UTRN: variants seen among roughly 807,000 people sequenced by gnomAD.
UTRN encodes the protein dystrophin-related protein 1.
UTRN carries 283 observed loss-of-function variants against 463.9 expected under a neutral mutation model. That is an observed-to-expected ratio of 0.61 (90% confidence interval 0.55 to 0.67). The LOEUF (loss-of-function observed/expected upper bound fraction) is 0.67, where lower values mean the gene tolerates loss of function less well. UTRN is among the 30% of genes least tolerant of loss of function. The pLI, the probability that UTRN is intolerant of heterozygous loss-of-function variation, is 0.00. For synonymous variants in UTRN, 1,442 were observed against 1,431.5 expected (o/e 1.01, Z -0.17); for missense variants, 3,922 against 4,084.3 (o/e 0.96, Z 1.08).
chr6:144,748,371 G>A lies in UTRN; in HGVS notation c.8065G>A (p.Ala2689Thr). The A allele has an allele frequency of 6.2e-7, 1 of 1,613,884 alleles. No homozygotes were observed. The change falls in exon 55 of 75, where the codon GCA (alanine) becomes ACA (threonine). Residue 2689 changes from alanine (A) to threonine (T), a missense_variant. By Grantham distance (58) the Ala-to-Thr change is moderately conservative. Coordinates refer to ENST00000367545, the MANE Select transcript of UTRN (RefSeq NM_007124.3). ...CAATTGGCAAAAGCAAGTGGACAAG[G>A]CATTGGAGAAACTCAGAGACCTGCA... ...TSNWQKQVDK[A>T]LEKLRDLQGA... is the part of the protein sequence containing the mutation.
At position 144,462,455 on chromosome 6, in the gene UTRN, T is replaced by C. The variant is rs140362785; in HGVS notation, c.2854-199T>C. Reference sequence around the variant, plus strand: ...AGATTGCTGGGTCAAATGGCATTTCTGGTTTTAGGTCTTTGAGGAATCACC... The same window carrying C: ...AGATTGCTGGGTCAAATGGCATTTCCGGTTTTAGGTCTTTGAGGAATCACC... On this transcript the variant is annotated intron_variant, in intron 22 of 74. Transcript: ENST00000367545. 4.6e-5 allele frequency among the ~76,000 whole-genome samples: 7 copies of C among 152,352 alleles called. No individual in the cohort carries two copies. The East Asian group carries it at 9.6e-4, about 21-fold the overall frequency.
intron 2 of UTRN, among the ~76,000 whole-genome samples, chr6:144,376,728 C>T (rs1780497266): frequency 6.6e-6 from 1 of 152,058 alleles, no homozygotes; most frequent in Non-Finnish European, 1.5e-5. Context: ...AGTTTAGTTA[C>T]TACTGGTAAT....
chr6:144,370,151 G>A lies in UTRN; in HGVS notation c.80-32972G>A, dbSNP rs530416609. 8.9e-4 allele frequency among the ~76,000 whole-genome samples: 135 copies of A among 152,186 alleles called. 3 individuals are homozygous for A. Among genetic ancestry groups the A allele is most frequent in the Non-Finnish European group, 2.5e-4 (17 of 68,030 alleles). On this transcript the variant is annotated intron_variant, in intron 2 of 74. Coordinates refer to ENST00000367545, the MANE Select transcript of UTRN (RefSeq NM_007124.3). ...AACTTGGAGGGCTTCCCAGGAAGAT[G>A]TTAATCCCCAAGACAGTGGGGAAAA...
At chr6:144,665,106 G>A (rs1780255029) in intron 51 of UTRN, among the ~76,000 whole-genome samples, 1 of 152,124 alleles carries the variant, frequency 6.6e-6, no homozygotes, top group Non-Finnish European at 1.5e-5. Flanking sequence ...AAAGGGGTCA[G>A]AACTCCTTCA....
intron 51 of UTRN, among the ~76,000 whole-genome samples, chr6:144,633,498 C>T (rs1049477962): frequency 6.6e-6 from 1 of 152,230 alleles, no homozygotes; most frequent in Non-Finnish European, 1.5e-5. Flanking sequence ...TCCCAAAGTG[C>T]TGGGATTACA....
intron 2 of UTRN, among the ~76,000 whole-genome samples, chr6:144,399,481 A>G (rs1782743492): frequency 6.6e-6 from 1 of 152,210 alleles, no homozygotes; most frequent in African/African-American, 2.4e-5. Flanking sequence ...AGGCCTTAAT[A>G]AAATCAATCC....
In UTRN at chr6:144,425,303, G is replaced by A. The variant is rs190747656; in HGVS notation, c.406-984G>A. ...GTTCTTCTTAGTGCATCATATCGGG[G>A]ATAGGTGATATCTGTTCTTTTTCTG... is the stretch of plus-strand genomic sequence containing the variant. On this transcript the variant is annotated intron_variant, in intron 6 of 74. Transcript: ENST00000367545. 7.9e-4 allele frequency among the ~76,000 whole-genome samples: 120 copies of A among 152,238 alleles called. No homozygotes were observed. The East Asian group carries it at 0.019, about 24-fold the overall frequency.
At position 144,852,408 on chromosome 6, in the gene UTRN, A is replaced by AACATAAAG. The variant is rs796844830; in HGVS notation, c.*1416_*1423dup. The AACATAAAG allele has an allele frequency of 2.0e-5, 3 of 152,536 alleles. No individual in the cohort carries two copies. Among genetic ancestry groups the AACATAAAG allele is most frequent in the African/African-American group, 7.2e-5 (3 of 41,588 alleles). The allele number at this position is 152,536 out of a possible 1,614,324, so 9.4% of individuals were successfully genotyped here. A position where few individuals can be genotyped will look rare whatever the true frequency, so the allele number is the denominator to read the frequency against. ...TTTGATTCAAACCTAAAGACATAAA[A>AACATAAAG]ACATAAAGACATTTTAACTTTGGGT... On this transcript the variant is annotated 3_prime_UTR_variant, in exon 75 of 75. Transcript: ENST00000367545.
At chr6:144,521,899 T>C (rs1440992627) in intron 39 of UTRN, 81 bp from the exon 40 acceptor site, 1 of 942,306 alleles carries the variant, frequency 1.1e-6, no homozygotes, top group Non-Finnish European at 1.4e-6. Flanking sequence ...CTTCACACAA[T>C]AGTCTTGTTA....
chr6:144,560,635 G>A (rs947554039), intron 50 of UTRN, among the ~76,000 whole-genome samples: 25 of 152,178 alleles, frequency 1.6e-4, no homozygotes, highest in African/African-American at 5.8e-4. Context: ...GCTTTCAAAG[G>A]AAATGTTTTG....
intron 2 of UTRN, among the ~76,000 whole-genome samples, chr6:144,332,547 A>G (rs1337197779): frequency 6.6e-6 from 1 of 151,804 alleles, no homozygotes; most frequent in Non-Finnish European, 1.5e-5. Context: ...AAGTGGGAGT[A>G]TTTTGGATCT....
At chr6:144,691,323 G>A (rs1183935242) in intron 52 of UTRN, among the ~76,000 whole-genome samples, 1 of 152,146 alleles carries the variant, frequency 6.6e-6, no homozygotes, top group African/African-American at 2.4e-5. Context: ...CGCCATATTG[G>A]CTGGGCTGCT....
At chr6:144,506,622 A>G (rs1794714260) in intron 34 of UTRN, among the ~76,000 whole-genome samples, 1 of 152,196 alleles carries the variant, frequency 6.6e-6, no homozygotes, top group Non-Finnish European at 1.5e-5. Flanking sequence ...TTTTCTGCAA[A>G]GAGATCTGCA....
rs185318317 is a variant in UTRN at position 144,727,620 on chromosome 6, G to A, written c.7810-2737G>A. ...AAAAATACAAAAAAATTAGCCAGAC[G>A]TGGTGATGGGGCCCTGTAGTCCCAG... On this transcript the variant is annotated intron_variant, in intron 53 of 74. Coordinates refer to ENST00000367545, the MANE Select transcript of UTRN (RefSeq NM_007124.3). Among the ~76,000 whole-genome samples the A allele has an allele frequency of 6.6e-5, 10 of 152,246 alleles. No individual in the cohort carries two copies. The East Asian group carries it at 7.7e-4, about 12-fold the overall frequency.
chr6:144,841,166 G>A (rs1279446002), intron 73 of UTRN, among the ~76,000 whole-genome samples: 2 of 152,188 alleles, frequency 1.3e-5, no homozygotes, highest in Admixed American at 6.5e-5. Context: ...ACACATCTTA[G>A]TTCAAAGAAG....
chr6:144,298,813 A>C (rs1380222926), intron 2 of UTRN, among the ~76,000 whole-genome samples: 1 of 152,214 alleles, frequency 6.6e-6, no homozygotes, highest in Non-Finnish European at 1.5e-5. Context: ...GAATCCAATA[A>C]AAAATATGAC....
At chr6:144,355,311 A>G (rs565514936) in intron 2 of UTRN, among the ~76,000 whole-genome samples, 7 of 151,744 alleles carry the variant, frequency 4.6e-5, no homozygotes, top group African/African-American at 1.5e-4. Context: ...GGATCCTCCT[A>G]CCTCAGCCTC....
At chr6:144,320,643 A>G (rs1326837771) in intron 2 of UTRN, among the ~76,000 whole-genome samples, 1 of 152,206 alleles carries the variant, frequency 6.6e-6, no homozygotes, top group Non-Finnish European at 1.5e-5. Context: ...GAGAAATCAA[A>G]GGAGAGAAGG....
intron 16 of UTRN, among the ~76,000 whole-genome samples, chr6:144,448,313 C>G (rs1277733086): frequency 6.6e-6 from 1 of 152,114 alleles, no homozygotes; most frequent in Non-Finnish European, 1.5e-5. Context: ...CGCTATGATT[C>G]CATTCATAGG....
Sources: gnomAD v4.1 joint callset for allele counts (sites outside exome capture counted in the v4.1 genomes callset) on GRCh38, gnomAD v4.1.1 for gene constraint, MANE v1.5 for transcripts, NCBI Gene and HGNC (gene_info 2026-07-23, HGNC 2026-07-21) for gene names.